CD48: variants seen among roughly 807,000 people sequenced by gnomAD.
CD48 encodes the protein CD48 antigen.
In CD48, 20 loss-of-function variants were observed where a neutral mutation model predicts 22.0. That is an observed-to-expected ratio of 0.91 (90% CI 0.64 to 1.32). The LOEUF (loss-of-function observed/expected upper bound fraction) is 1.32. CD48 is among the 40% of genes most tolerant of loss of function. The pLI, the probability that CD48 is intolerant of heterozygous loss-of-function variation, is 0.00. For missense variants in CD48, 307 were observed against 286.5 expected (o/e 1.07, Z -0.52); for synonymous variants, 110 against 110.1 (o/e 1.00, Z 0.01).
At chr1:160,688,826 T>G (rs904996847) in intron 1 of CD48, among the ~76,000 whole-genome samples, 1 of 152,206 alleles carries the variant, frequency 6.6e-6, no homozygotes, top group African/African-American at 2.4e-5. Flanking sequence ...CTCGTTCTCC[T>G]GATAAGAAAT....
chr1:160,693,918 A>G (rs550739881), intron 1 of CD48, among the ~76,000 whole-genome samples: 24 of 152,380 alleles, frequency 1.6e-4, no homozygotes, highest in African/African-American at 5.8e-4. Flanking sequence ...ACAGTACAAC[A>G]ATTGTCCCCC....
intron 2 of CD48, chr1:160,684,490 A>G (rs1016683668): frequency 2.5e-5 from 10 of 399,652 alleles, no homozygotes; most frequent in African/African-American, 2.0e-4. Context: ...AATTCTCCTG[A>G]TAACTCCTGC....
rs530800401 is a variant in CD48, at chr1:160,682,661, C to T, written c.386-1193G>A. Among the ~76,000 whole-genome samples, 3 of 152,236 alleles carry T rather than the reference C, an allele frequency of 2.0e-5. No individual in the cohort carries two copies. In the East Asian group the frequency reaches 5.8e-4, roughly 29 times the overall value. On this transcript the variant is annotated intron_variant, in intron 2 of 3. Coordinates refer to ENST00000368046, the MANE Select transcript of CD48 (RefSeq NM_001778.4). ...AGGTAGTTAACCCCCTTGCTGTCAT[C>T]TGTAAACTGACTCTACCTCATCGCG...
chr1:160,709,395 A>G (rs1662886711), intron 1 of CD48, among the ~76,000 whole-genome samples: 1 of 152,234 alleles, frequency 6.6e-6, no homozygotes, highest in Admixed American at 6.5e-5. Flanking sequence ...CCTTGAAGAA[A>G]TGAGGAACAG....
chr1:160,678,967 C>G lies in CD48; in HGVS notation c.*85G>C. The G allele has an allele frequency of 1.0e-6, 1 of 972,570 alleles. No individual in the cohort carries two copies. 60.2% of individuals were successfully genotyped at this position (972,570 alleles called of 1,614,324 possible). On this transcript the variant is annotated 3_prime_UTR_variant, in exon 4 of 4. Coordinates refer to ENST00000368046, the MANE Select transcript of CD48 (RefSeq NM_001778.4). ...GCAGCATGCTTCTGGTCAGCCTATA[C>G]AGTCTCTGTCCTGGTGAGGAGCATG...
At chr1:160,679,982 G>A (rs1003719939) in intron 3 of CD48, among the ~76,000 whole-genome samples, 1 of 152,200 alleles carries the variant, frequency 6.6e-6, no homozygotes, top group Non-Finnish European at 1.5e-5. Flanking sequence ...GGAGAGGCTG[G>A]TAGAGACAGG....
chr1:160,681,916 G>C (rs1390022163), intron 2 of CD48, among the ~76,000 whole-genome samples: 1 of 152,226 alleles, frequency 6.6e-6, no homozygotes, highest in African/African-American at 2.4e-5. Context: ...CCTAAGGTAA[G>C]AGGTACCTGT....
intron 1 of CD48, among the ~76,000 whole-genome samples, chr1:160,709,700 C>A (rs1343305588): frequency 6.6e-6 from 1 of 152,178 alleles, no homozygotes. Flanking sequence ...TCCCTTACGG[C>A]AGAGGAGAGA....
Position 160,681,094 on chromosome 1 carries a change from T to A in CD48, c.652+108A>T, listed in dbSNP as rs1478937939. Reference sequence around the variant, plus strand: ...CCAGCTCTCCCAGACACCTTAGGGATTCACCACCACACTGTGCAAGGAGGC... The same window carrying A: ...CCAGCTCTCCCAGACACCTTAGGGAATCACCACCACACTGTGCAAGGAGGC... On this transcript the variant is annotated intron_variant, in intron 3 of 3. Transcript: ENST00000368046. The A allele has an allele frequency of 1.9e-6, 3 of 1,574,374 alleles. No individual in the cohort carries two copies. The African/African-American group carries it at 4.1e-5, about 21-fold the overall frequency.
intron 1 of CD48, among the ~76,000 whole-genome samples, chr1:160,696,296 G>A (rs867478757): frequency 3.2e-4 from 48 of 151,200 alleles, no homozygotes; most frequent in African/African-American, 1.1e-3. Flanking sequence ...CAGGCTACAA[G>A]GGATGTTGAG....
intron 1 of CD48, among the ~76,000 whole-genome samples, chr1:160,694,455 T>G (rs12145359): frequency 0.31 from 45,377 of 148,520 alleles, 7,708 homozygotes; most frequent in Non-Finnish European, 0.39. Context: ...GTCGGCATAG[T>G]CACAGCCTCA....
At chr1:160,691,257 G>A (rs1031895387) in intron 1 of CD48, among the ~76,000 whole-genome samples, 1 of 152,122 alleles carries the variant, frequency 6.6e-6, no homozygotes, top group Admixed American at 6.5e-5. Flanking sequence ...GTCTCTTGCA[G>A]TTGAGACAAG....
chr1:160,703,641 A>T (rs933585393), intron 1 of CD48, among the ~76,000 whole-genome samples: 1 of 152,250 alleles, frequency 6.6e-6, no homozygotes, highest in Non-Finnish European at 1.5e-5. Context: ...CACACTGTAT[A>T]GTATGTAAGG....
chr1:160,689,152 A>C (rs1662102106), intron 1 of CD48, among the ~76,000 whole-genome samples: 1 of 152,220 alleles, frequency 6.6e-6, no homozygotes, highest in Admixed American at 6.5e-5. Flanking sequence ...GAAGATAAGC[A>C]GCCTAGAATT....
At chr1:160,684,494 C>T (rs181263458) in intron 2 of CD48, 4 of 436,130 alleles carry the variant, frequency 9.2e-6, no homozygotes, top group African/African-American at 6.0e-5. Context: ...CTCCTGATAA[C>T]TCCTGCCCCA....
chr1:160,681,041 G>A, intron 3 of CD48, 161 bp downstream of exon 3: 4 of 1,491,642 alleles, frequency 2.7e-6, no homozygotes, highest in Non-Finnish European at 3.6e-6. Flanking sequence ...GGAGGTGGTG[G>A]TAGAGCTGGT....
rs1661705144 is a variant in CD48 at position 160,678,948 on chromosome 1, T to G, written c.*104A>C. 3 of 770,710 alleles carry G rather than the reference T, an allele frequency of 3.9e-6. No individual in the cohort carries two copies. Among genetic ancestry groups the G allele is most frequent in the African/African-American group, 1.7e-5 (1 of 57,652 alleles). The allele number at this position is 770,710 out of a possible 1,614,324, so 47.7% of individuals were successfully genotyped here. Reference sequence around the variant, plus strand: ...AATCCTCGTTGATAATTCAGCAGCATGCTTCTGGTCAGCCTATACAGTCTC... The same window carrying G: ...AATCCTCGTTGATAATTCAGCAGCAGGCTTCTGGTCAGCCTATACAGTCTC... On this transcript the variant is annotated 3_prime_UTR_variant, in exon 4 of 4. Coordinates refer to ENST00000368046, the MANE Select transcript of CD48 (RefSeq NM_001778.4).
intron 3 of CD48, 42 bp downstream of exon 3, chr1:160,681,160 A>G (rs1661784427): frequency 6.2e-7 from 1 of 1,613,836 alleles, no homozygotes; most frequent in African/African-American, 1.3e-5. Context: ...AAACAACTCC[A>G]GTTACCCTGT....
chr1:160,693,448 T>G (rs1662300581), intron 1 of CD48, among the ~76,000 whole-genome samples: 1 of 152,136 alleles, frequency 6.6e-6, no homozygotes, highest in African/African-American at 2.4e-5. Context: ...GAGCTACGCA[T>G]AAAGCTATGC....
Sources: gnomAD v4.1 joint callset for allele counts (sites outside exome capture counted in the v4.1 genomes callset) on GRCh38, gnomAD v4.1.1 for gene constraint, MANE v1.5 for transcripts, NCBI Gene and HGNC (gene_info 2026-07-23, HGNC 2026-07-21) for gene names.